SYNE2: variants seen among roughly 807,000 people sequenced by gnomAD.
SYNE2 encodes the protein nesprin-2.
Under a neutral mutation model 856.3 loss-of-function variants are expected in SYNE2, and 431 were observed. The ratio of observed to expected loss-of-function variants is 0.50; its 90% CI spans 0.47 to 0.55. SYNE2 has a LOEUF of 0.55. Ranked by LOEUF, SYNE2 falls within the 20% of genes least tolerant of loss-of-function variation. The pLI, the probability that SYNE2 is intolerant of heterozygous loss-of-function variation, is 0.00. For synonymous variants in SYNE2, 2,923 were observed against 2,872.3 expected (o/e 1.02, Z -0.56); for missense variants, 8,129 against 8,023.2 (o/e 1.01, Z -0.50).
chr14:63,879,176 T>G (rs2094799795), intron 1 of SYNE2, among the ~76,000 whole-genome samples: 1 of 152,234 alleles, frequency 6.6e-6, no homozygotes, highest in South Asian at 2.1e-4. Context: ...AACCTTGAGT[T>G]GGGCTAATTT....
chr14:63,911,365 T>C (rs925248720), intron 2 of SYNE2, among the ~76,000 whole-genome samples: 3 of 152,120 alleles, frequency 2.0e-5, no homozygotes, highest in African/African-American at 7.3e-5. Flanking sequence ...GTAGTATCTC[T>C]TTGAGCACTT....
intron 1 of SYNE2, among the ~76,000 whole-genome samples, chr14:63,884,542 C>T (rs1188103654): frequency 2.0e-5 from 3 of 152,102 alleles, no homozygotes; most frequent in Non-Finnish European, 4.4e-5. Context: ...GAGATTGTGG[C>T]ACGGGGTGTG....
intron 6 of SYNE2, among the ~76,000 whole-genome samples, chr14:63,948,545 C>T (rs1380930605): frequency 6.6e-6 from 1 of 150,924 alleles, no homozygotes; most frequent in Non-Finnish European, 1.5e-5. Context: ...GCCTGTAATC[C>T]GAGCTACTCA....
intron 2 of SYNE2, among the ~76,000 whole-genome samples, chr14:63,940,350 G>A (rs1249999609): frequency 6.6e-6 from 1 of 152,000 alleles, no homozygotes; most frequent in African/African-American, 2.4e-5. Flanking sequence ...CCACAGCACC[G>A]TGGTCCTAAT....
At chr14:64,024,560 A>C (rs575027831) in intron 39 of SYNE2, 101 bp downstream of exon 39, 22 of 1,139,412 alleles carry the variant, frequency 1.9e-5, no homozygotes, top group Non-Finnish European at 2.7e-5. Context: ...AGTACACACA[A>C]ATTTCACACA....
Position 64,024,456 on chromosome 14 carries a change from T to A in SYNE2, c.5837T>A (p.Leu1946Gln). The change falls in exon 39 of 116, where the codon CTG (leucine) becomes CAG (glutamine). Residue 1946 changes from leucine (L) to glutamine (Q), a missense_variant. Physicochemically the swap from Leu to Gln is moderately radical, Grantham distance 113. Transcript: ENST00000555002. ...CTTGAAGACTCCTTGCAGCAGCTAC[T>A]GAGGTAGGAAATAAAGATGATATCT... is the stretch of plus-strand genomic sequence containing the variant. The part of the protein sequence containing the change: ...KELEDSLQQL[L>Q]RLQDDHRNLR... 6.2e-7 allele frequency: 1 copy of A among 1,613,670 alleles called. No homozygotes were observed. The highest frequency in any genetic ancestry group is 8.5e-7 in the Non-Finnish European group (1 of 1,179,648).
intron 58 of SYNE2, among the ~76,000 whole-genome samples, chr14:64,088,893 T>C (rs2097583745): frequency 6.6e-6 from 1 of 152,226 alleles, no homozygotes; most frequent in Admixed American, 6.5e-5. Context: ...ATTTCAAAAT[T>C]TTTAAATGCT....
At chr14:64,215,399 G>A (rs751552082) in intron 107 of SYNE2, 45 bp downstream of exon 107, 4 of 1,582,904 alleles carry the variant, frequency 2.5e-6, no homozygotes, top group Admixed American at 3.3e-5. Flanking sequence ...GCATCCTGTG[G>A]CGCACACTGC....
At chr14:63,842,544 A>G (rs1159943281) in intron 1 of SYNE2, among the ~76,000 whole-genome samples, 2 of 151,476 alleles carry the variant, frequency 1.3e-5, no homozygotes, top group Non-Finnish European at 2.9e-5. Context: ...CACTGCAACC[A>G]CTGCCTCCCG....
chr14:63,844,851 C>T (rs1890179047), intron 1 of SYNE2, among the ~76,000 whole-genome samples: 1 of 151,664 alleles, frequency 6.6e-6, no homozygotes, highest in Admixed American at 6.6e-5. Flanking sequence ...TCAGGACCAC[C>T]CTGAGCAACA....
At position 64,049,714 on chromosome 14, in the gene SYNE2, T is replaced by A. The variant is rs377113182; in HGVS notation, c.7481T>A (p.Ile2494Lys). Residue 2494 changes from isoleucine (I) to lysine (K), a missense_variant, in exon 47 of 116, where the codon ATA (isoleucine) becomes AAA (lysine). Physicochemically the swap from Ile to Lys is moderately radical, Grantham distance 102. This residue lies in a region of SYNE2 where 5,410 missense variants were observed against 5,284.8 expected (regional missense o/e 1.02). Transcript: ENST00000555002. ...TETGALVLHN[I>K]GYSAQHLDNL... ...ACTGGGGCCTTGGTTCTCCACAATA[T>A]AGGATATTCGGCACAGCATTTGGAC... is the stretch of plus-strand genomic sequence containing the variant. 1.2e-6 allele frequency: 2 copies of A among 1,613,990 alleles called. No homozygotes were observed. Among genetic ancestry groups the A allele is most frequent in the African/African-American group, 2.7e-5 (2 of 74,898 alleles).
At chr14:64,000,247 C>G (rs1474388093) in intron 27 of SYNE2, among the ~76,000 whole-genome samples, 2 of 152,198 alleles carry the variant, frequency 1.3e-5, no homozygotes, top group Admixed American at 6.5e-5. Context: ...AACAGAATAT[C>G]TGTTCTTACA....
intron 1 of SYNE2, among the ~76,000 whole-genome samples, chr14:63,892,729 C>CTTTTTTTTTTTTTTTTTTTTTTTTTTT (rs11293385): frequency 7.7e-6 from 1 of 130,248 alleles, no homozygotes; most frequent in Non-Finnish European, 1.6e-5. Flanking sequence ...GGTGTACTTT[C>CTTTTTTTTTTTTTTTTTTTTTTTTTTT]TTTTTTTTTT....
intron 71 of SYNE2, 128 bp downstream of exon 71, chr14:64,125,338 G>C (rs571983323): frequency 7.4e-7 from 1 of 1,359,332 alleles, no homozygotes; most frequent in East Asian, 2.5e-5. Flanking sequence ...TGGGTCCTAG[G>C]ATTGCAAATT....
At chr14:63,903,693 TC>T (rs2153334996) in intron 1 of SYNE2, among the ~76,000 whole-genome samples, 1 of 152,330 alleles carries the variant, frequency 6.6e-6, no homozygotes, top group South Asian at 2.1e-4. Flanking sequence ...TTCTTGGTTC[TC>T]CAGTTAACAA....
chr14:64,143,278 C>G (rs562560443), intron 82 of SYNE2, among the ~76,000 whole-genome samples: 1 of 152,292 alleles, frequency 6.6e-6, no homozygotes, highest in East Asian at 1.9e-4. Flanking sequence ...TAAAGCCACC[C>G]AAACTTTCTA....
At chr14:63,831,076 G>C (rs1259076946) in intron 1 of SYNE2, among the ~76,000 whole-genome samples, 1 of 152,010 alleles carries the variant, frequency 6.6e-6, no homozygotes, top group East Asian at 1.9e-4. Flanking sequence ...CCTGACCTCA[G>C]GTGATCCACC....
intron 1 of SYNE2, chr14:63,873,677 A>C (rs923460463): frequency 6.6e-6 from 1 of 152,420 alleles, no homozygotes; most frequent in Non-Finnish European, 1.5e-5. Context: ...GGCGTGAGCC[A>C]CTGCACCCGG....
intron 1 of SYNE2, among the ~76,000 whole-genome samples, chr14:63,809,008 A>T (rs910625974): frequency 5.3e-5 from 8 of 152,172 alleles, no homozygotes; most frequent in African/African-American, 1.4e-4. Flanking sequence ...GGGTGACAAC[A>T]GTGAGACTCT....
Sources: gnomAD v4.1 joint callset for allele counts (sites outside exome capture counted in the v4.1 genomes callset) on GRCh38, gnomAD v4.1.1 for gene constraint, gnomAD v4.1.1 regional missense constraint, MANE v1.5 for transcripts, NCBI Gene and HGNC (gene_info 2026-07-23, HGNC 2026-07-21) for gene names.